Variants in TRIM2 observed in about 807,000 individuals in gnomAD.
TRIM2 encodes tripartite motif-containing protein 2.
In TRIM2, 20 loss-of-function variants were observed where a neutral mutation model predicts 75.2. The ratio of observed to expected loss-of-function variants is 0.27; its 90% CI spans 0.19 to 0.39. The LOEUF is 0.39. Among genes scored for constraint, TRIM2 ranks in the 10% least tolerant of loss-of-function variants. The pLI is 1.00. For missense variants in TRIM2, 660 were observed against 990.8 expected, an observed-to-expected ratio of 0.67 and a Z score of 4.48; for synonymous variants, 373 against 388.3, an observed-to-expected ratio of 0.96 and a Z score of 0.46.
intron 8 of TRIM2, among the ~76,000 whole-genome samples, chr4:153,317,519 T>G (rs1213240814): frequency 1.3e-5 from 2 of 151,722 alleles, no homozygotes; most frequent in African/African-American, 2.4e-5. Context: ...CGTGGTGGCG[T>G]GCACCTGTAG....
chr4:153,237,553 AC>A (rs1373049301), intron 1 of TRIM2, among the ~76,000 whole-genome samples: 1 of 152,084 alleles, frequency 6.6e-6, no homozygotes, highest in East Asian at 1.9e-4. Flanking sequence ...GGTGGCAGGC[AC>A]CTGTAATCCC....
intron 11 of TRIM2, 78 bp from the exon 12 acceptor site, chr4:153,334,736 A>G: frequency 1.5e-6 from 2 of 1,302,368 alleles, no homozygotes; most frequent in Non-Finnish European, 2.1e-6. Flanking sequence ...AAACATTAGC[A>G]TCAAGAGTTT....
chr4:153,270,988 G>A (rs1237772134), intron 2 of TRIM2, among the ~76,000 whole-genome samples: 1 of 152,122 alleles, frequency 6.6e-6, no homozygotes, highest in East Asian at 1.9e-4. Flanking sequence ...TGTCACATTT[G>A]AATGCTATGA....
intron 1 of TRIM2, among the ~76,000 whole-genome samples, chr4:153,195,549 AG>A (rs1158805348): frequency 1.3e-5 from 2 of 152,202 alleles, no homozygotes; most frequent in Non-Finnish European, 2.9e-5. Flanking sequence ...AATTGCTGGC[AG>A]CCACCAAAGC....
chr4:153,201,117 C>T (rs1334156301), upstream of TRIM2, among the ~76,000 whole-genome samples: 1 of 152,130 alleles, frequency 6.6e-6, no homozygotes, highest in Non-Finnish European at 1.5e-5. Flanking sequence ...GCATGCACCA[C>T]CACGCCTGGC....
chr4:153,171,386 G>A (rs1730832343), intron 1 of TRIM2, among the ~76,000 whole-genome samples: 1 of 152,158 alleles, frequency 6.6e-6, no homozygotes, highest in South Asian at 2.1e-4. Flanking sequence ...GGGAGTTCCA[G>A]ACCAGCCTGA....
chr4:153,187,963 C>A (rs539130096), intron 1 of TRIM2, among the ~76,000 whole-genome samples: 2 of 152,092 alleles, frequency 1.3e-5, no homozygotes, highest in Non-Finnish European at 2.9e-5. Context: ...TTTCCTAAGT[C>A]CCCTTCATAG....
At chr4:153,197,750 G>A (rs1375248499) in intron 1 of TRIM2, among the ~76,000 whole-genome samples, 1 of 152,180 alleles carries the variant, frequency 6.6e-6, no homozygotes, top group African/African-American at 2.4e-5. Context: ...ACGGGCGCCT[G>A]TAATCCCAGC....
At chr4:153,189,320 G>A (rs1732945700) in intron 1 of TRIM2, among the ~76,000 whole-genome samples, 1 of 152,240 alleles carries the variant, frequency 6.6e-6, no homozygotes, top group Non-Finnish European at 1.5e-5. Flanking sequence ...ATTCAAGGGA[G>A]AGGAAATGGG....
At chr4:153,251,271 G>A (rs1203628061) in intron 1 of TRIM2, among the ~76,000 whole-genome samples, 3 of 152,132 alleles carry the variant, frequency 2.0e-5, no homozygotes, top group Non-Finnish European at 4.4e-5. Context: ...GAAGGGGCTC[G>A]GCCTCTTGGG....
At chr4:153,271,335 T>G (rs1042608721) in intron 2 of TRIM2, among the ~76,000 whole-genome samples, 2 of 152,234 alleles carry the variant, frequency 1.3e-5, no homozygotes, top group Non-Finnish European at 2.9e-5. Context: ...AATGCTTTAC[T>G]TCCTGTGATA....
intron 1 of TRIM2, among the ~76,000 whole-genome samples, chr4:153,255,342 CAG>C (rs1322445281): frequency 6.6e-6 from 1 of 152,206 alleles, no homozygotes; most frequent in Non-Finnish European, 1.5e-5. Context: ...CTTCAGAAAA[CAG>C]AGACCTGGTC....
At chr4:153,300,009 A>G (rs1401107648) in intron 6 of TRIM2, among the ~76,000 whole-genome samples, 1 of 152,214 alleles carries the variant, frequency 6.6e-6, no homozygotes, top group Non-Finnish European at 1.5e-5. Context: ...ACCCTTCTAT[A>G]GAAGTAAAAA....
intron 1 of TRIM2, among the ~76,000 whole-genome samples, chr4:153,252,290 T>C (rs1253664058): frequency 6.6e-6 from 1 of 152,204 alleles, no homozygotes; most frequent in Non-Finnish European, 1.5e-5. Flanking sequence ...TGGAGTTGCC[T>C]GATTACTGTT....
intron 1 of TRIM2, among the ~76,000 whole-genome samples, chr4:153,221,521 T>C (rs1739986011): frequency 6.6e-6 from 1 of 152,224 alleles, no homozygotes; most frequent in African/African-American, 2.4e-5. Flanking sequence ...CCTCTGTCCA[T>C]ACACTTCTAT....
chr4:153,244,171 C>T (rs1287873549), intron 1 of TRIM2, among the ~76,000 whole-genome samples: 3 of 148,344 alleles, frequency 2.0e-5, no homozygotes, highest in South Asian at 4.3e-4. Context: ...TCTTCTTCTT[C>T]TTCTTCTTCT....
intron 3 of TRIM2, among the ~76,000 whole-genome samples, chr4:153,289,578 A>C (rs1761409976): frequency 6.6e-6 from 1 of 152,138 alleles, no homozygotes; most frequent in Admixed American, 6.5e-5. Context: ...ATTATTTTGC[A>C]TCCTTTTCTG....
intron 1 of TRIM2, among the ~76,000 whole-genome samples, chr4:153,220,407 C>CTTAGCTTCT (rs1739628123): frequency 1.3e-5 from 2 of 152,154 alleles, no homozygotes; most frequent in Non-Finnish European, 2.9e-5. Flanking sequence ...CTTCTGACAA[C>CTTAGCTTCT]AGACTAACTC....
intron 6 of TRIM2, among the ~76,000 whole-genome samples, chr4:153,302,380 A>G (rs549331765): frequency 2.2e-4 from 33 of 152,326 alleles, no homozygotes; most frequent in African/African-American, 7.7e-4. Flanking sequence ...GAATATAGAG[A>G]TGAAGGAAAT....
Sources: gnomAD v4.1 joint callset for allele counts (sites outside exome capture counted in the v4.1 genomes callset) on GRCh38, gnomAD v4.1.1 for gene constraint, MANE v1.5 for transcripts, NCBI Gene and HGNC (gene_info 2026-07-23, HGNC 2026-07-21) for gene names.